RTN1: variants seen among roughly 807,000 people sequenced by gnomAD.
RTN1 encodes reticulon-1.
A neutral mutation model predicts 65.5 loss-of-function variants in RTN1; 25 were observed. That is an observed-to-expected ratio of 0.38 (90% CI 0.28 to 0.53). RTN1 has a LOEUF of 0.53. Among genes scored for constraint, RTN1 ranks in the 20% least tolerant of loss-of-function variants. RTN1 has a pLI of 0.79. For synonymous variants in RTN1, 471 were observed against 447.6 expected (o/e 1.05, Z -0.66); for missense variants, 983 against 1,025.4 (o/e 0.96, Z 0.57).
At chr14:59,632,905 G>C (rs1387438274) in intron 3 of RTN1, among the ~76,000 whole-genome samples, 2 of 151,882 alleles carry the variant, frequency 1.3e-5, no homozygotes, top group African/African-American at 4.8e-5. Flanking sequence ...GACCAGCCTG[G>C]GCAACATGGT....
At chr14:59,649,646 A>G (rs1325556407) in intron 3 of RTN1, among the ~76,000 whole-genome samples, 1 of 152,258 alleles carries the variant, frequency 6.6e-6, no homozygotes, top group Non-Finnish European at 1.5e-5. Flanking sequence ...AACATTTGAA[A>G]AAAAGCTCAT....
intron 1 of RTN1, among the ~76,000 whole-genome samples, chr14:59,763,531 CTTTTT>C (rs567181046): frequency 3.1e-5 from 4 of 127,388 alleles, no homozygotes; most frequent in Admixed American, 8.2e-5. Flanking sequence ...AATTTTCTTT[CTTTTT>C]TTTTTTTTTT....
intron 3 of RTN1, among the ~76,000 whole-genome samples, chr14:59,607,900 TA>T (rs1339057957): frequency 2.9e-3 from 382 of 130,754 alleles, no homozygotes; most frequent in Middle Eastern, 7.4e-3. Context: ...GACTCTGTCT[TA>T]AAAAAAAAAA....
chr14:59,810,198 C>T (rs1055946587), intron 1 of RTN1, among the ~76,000 whole-genome samples: 9 of 152,140 alleles, frequency 5.9e-5, no homozygotes, highest in Non-Finnish European at 1.2e-4. Context: ...AGGCAAAAGG[C>T]AGGTTTGTTT....
intron 1 of RTN1, among the ~76,000 whole-genome samples, chr14:59,786,841 T>C (rs993320885): frequency 5.3e-5 from 8 of 152,138 alleles, no homozygotes; most frequent in African/African-American, 1.9e-4. Context: ...CCTGGGACTG[T>C]GTTTAGCTGT....
Position 59,827,394 on chromosome 14 carries a change from G to A in RTN1, c.241+42996C>T, listed in dbSNP as rs188998386. On this transcript the variant is annotated intron_variant, in intron 1 of 8. Coordinates refer to ENST00000267484, the MANE Select transcript of RTN1 (RefSeq NM_021136.3). ...CGCCCCGCTGTATGTGGTTCTTACT[G>A]CAGTTTTTTTCTTTGCATCGCTTGG... Among the ~76,000 whole-genome samples, 62 of 152,166 alleles carry A rather than the reference G, an allele frequency of 4.1e-4. No homozygotes were observed. In the East Asian group the frequency reaches 5.0e-3, roughly 12 times the overall value.
chr14:59,749,286 ATC>A (rs1259832676), intron 1 of RTN1, among the ~76,000 whole-genome samples: 2 of 67,010 alleles, frequency 3.0e-5, no homozygotes, highest in East Asian at 7.6e-4. Flanking sequence ...ATCTATATAT[ATC>A]TATATATATC....
In RTN1 at chr14:59,749,594, T is replaced by G. The variant is rs1360412134; in HGVS notation, c.242-3113A>C. 3.7e-3 allele frequency among the ~76,000 whole-genome samples: 174 copies of G among 46,612 alleles called. 1 individual carries two copies. The highest frequency in any genetic ancestry group is 0.024 in the African/African-American group (132 of 5,594). 30.6% of individuals were successfully genotyped at this position (46,612 alleles called of 152,430 possible). ...ATATATATATATAGATATTTATATA[T>G]ATATCTATCTATATATATTTATATA... On this transcript the variant is annotated intron_variant, in intron 1 of 8. Transcript: ENST00000267484.
rs1468284208 is a variant in RTN1, at chr14:59,816,320, G to T, written c.241+54070C>A. Among the ~76,000 whole-genome samples the T allele has an allele frequency of 6.6e-6, 1 of 152,076 alleles. No individual in the cohort carries two copies. The highest frequency in any genetic ancestry group is 2.4e-5 in the African/African-American group (1 of 41,412). Reference sequence around the variant, plus strand: ...GAACAAAATAACAATTTCCCTGGAAGCCTCTGTCCACTCTCGCCCATCTCC... The same window carrying T: ...GAACAAAATAACAATTTCCCTGGAATCCTCTGTCCACTCTCGCCCATCTCC... On this transcript the variant is annotated intron_variant, in intron 1 of 8. Transcript: ENST00000267484. The surrounding 1 kb of genome is among the most constrained non-coding windows in gnomAD (Gnocchi z 4.3).
chr14:59,845,925 C>T (rs180698735), intron 1 of RTN1, among the ~76,000 whole-genome samples: 1 of 152,190 alleles, frequency 6.6e-6, no homozygotes, highest in East Asian at 1.9e-4. Context: ...AAAAAAAAAT[C>T]CTAAATTCCA....
intron 3 of RTN1, among the ~76,000 whole-genome samples, chr14:59,618,222 G>A (rs539951589): frequency 2.3e-4 from 35 of 152,320 alleles, no homozygotes; most frequent in Non-Finnish European, 1.5e-4. Flanking sequence ...ACTAACATTA[G>A]CCATAAGATG....
At chr14:59,615,256 C>A (rs944122275) in intron 3 of RTN1, among the ~76,000 whole-genome samples, 4 of 152,086 alleles carry the variant, frequency 2.6e-5, no homozygotes, top group African/African-American at 9.7e-5. Flanking sequence ...TCGAGACCAG[C>A]CTGACCAACG....
intron 3 of RTN1, among the ~76,000 whole-genome samples, chr14:59,663,049 G>T (rs1294576785): frequency 6.6e-6 from 1 of 152,154 alleles, no homozygotes; most frequent in Non-Finnish European, 1.5e-5. Flanking sequence ...AAACAGCATG[G>T]TACTGCTACC....
intron 3 of RTN1, among the ~76,000 whole-genome samples, chr14:59,713,934 T>C (rs1178738825): frequency 6.6e-6 from 1 of 152,124 alleles, no homozygotes; most frequent in Non-Finnish European, 1.5e-5. Context: ...AAAATTATGC[T>C]TATAAAAATT....
At chr14:59,813,449 G>C (rs776422605) in intron 1 of RTN1, among the ~76,000 whole-genome samples, 11 of 152,214 alleles carry the variant, frequency 7.2e-5, no homozygotes, top group South Asian at 4.2e-4. Flanking sequence ...TTGATGGATG[G>C]GATTGAAAGA....
intron 3 of RTN1, among the ~76,000 whole-genome samples, chr14:59,641,377 T>G (rs944527738): frequency 2.0e-5 from 3 of 152,130 alleles, no homozygotes; most frequent in Non-Finnish European, 4.4e-5. Context: ...TTTATTTATT[T>G]GTTTGTTTTT....
chr14:59,837,998 G>A (rs915782728), intron 1 of RTN1, among the ~76,000 whole-genome samples: 1 of 152,020 alleles, frequency 6.6e-6, no homozygotes, highest in African/African-American at 2.4e-5. Context: ...TTTGTTACAT[G>A]GGTATAATGC....
At chr14:59,659,079 G>A (rs1344524540) in intron 3 of RTN1, among the ~76,000 whole-genome samples, 5 of 151,804 alleles carry the variant, frequency 3.3e-5, no homozygotes, top group African/African-American at 4.8e-5. Flanking sequence ...AGAGAACTTC[G>A]TGAAGCATAC....
At chr14:59,752,126 G>A (rs1284495363) in intron 1 of RTN1, among the ~76,000 whole-genome samples, 1 of 152,126 alleles carries the variant, frequency 6.6e-6, no homozygotes, top group Non-Finnish European at 1.5e-5. Context: ...TTAAACATAA[G>A]GAGCTTTAAA....
Sources: allele counts gnomAD v4.1 joint callset (sites outside exome capture counted in the v4.1 genomes callset), GRCh38; gene constraint gnomAD v4.1.1; non-coding constraint Gnocchi (gnomAD v3.1); transcripts MANE v1.5; gene names NCBI Gene and HGNC (gene_info 2026-07-23, HGNC 2026-07-21).